RBFOX1: variants seen among roughly 807,000 people sequenced by gnomAD.
RBFOX1 encodes the protein RNA binding fox-1 homolog 1.
RBFOX1 carries 8 observed loss-of-function variants against 57.7 expected under a neutral mutation model. The observed-to-expected ratio is 0.14, with a 90% CI of 0.08 to 0.25. The LOEUF (loss-of-function observed/expected upper bound fraction) is 0.25, where lower values mean the gene tolerates loss of function less well. Ranked by LOEUF, RBFOX1 falls within the 10% of genes least tolerant of loss-of-function variation. The probability of loss-of-function intolerance (pLI) is 1.00; values close to 1 mark genes in which losing one functional copy is unlikely to be tolerated. For missense variants in RBFOX1, 611 were observed against 548.5 expected, an observed-to-expected ratio of 1.11 and a Z score of -1.14; for synonymous variants, 326 against 222.4, an observed-to-expected ratio of 1.47 and a Z score of -4.15.
chr16:5,260,268 A>G (rs1222373209), intron 1 of RBFOX1, among the ~76,000 whole-genome samples: 1 of 152,158 alleles, frequency 6.6e-6, no homozygotes, highest in Non-Finnish European at 1.5e-5. Context: ...AAATTAATGA[A>G]TACAGAAAAG....
At chr16:6,175,559 G>T (rs1044364205) in intron 1 of RBFOX1, among the ~76,000 whole-genome samples, 2 of 152,160 alleles carry the variant, frequency 1.3e-5, no homozygotes, top group African/African-American at 4.8e-5. Context: ...TTGCGCTTTT[G>T]TTGTGCATAG....
rs193248107 is a variant in RBFOX1 at position 5,815,798 on chromosome 16, A to G, written c.319-51505A>G. ...ATTATCCCTTCTCAGGAAACAGTGG[A>G]GCCCAGAGAAATTGATGCTGCAGAG... On this transcript the variant is annotated intron_variant, in intron 3 of 19. Coordinates refer to the RBFOX1 transcript ENST00000641259. 2.4e-3 allele frequency among the ~76,000 whole-genome samples: 360 copies of G among 152,328 alleles called. 2 individuals carry two copies. Among genetic ancestry groups the G allele is most frequent in the African/African-American group, 8.1e-3 (335 of 41,574 alleles).
At chr16:5,885,699 G>C (rs937401606) in intron 4 of RBFOX1, among the ~76,000 whole-genome samples, 6 of 152,178 alleles carry the variant, frequency 3.9e-5, no homozygotes, top group African/African-American at 1.4e-4. Context: ...CCAAAATAAA[G>C]AAATACGTTC....
intron 3 of RBFOX1, among the ~76,000 whole-genome samples, chr16:6,900,354 G>A (rs960359386): frequency 1.3e-5 from 2 of 152,126 alleles, no homozygotes; most frequent in African/African-American, 4.8e-5. Flanking sequence ...AAATCCTTTA[G>A]GGATCCTTCT....
At chr16:5,596,125 G>T (rs1156259319) in intron 2 of RBFOX1, among the ~76,000 whole-genome samples, 1 of 152,122 alleles carries the variant, frequency 6.6e-6, no homozygotes, top group Non-Finnish European at 1.5e-5. Flanking sequence ...TAGGGGGAAG[G>T]GGCTGGAAAG....
chr16:5,275,994 A>T (rs991790392), intron 1 of RBFOX1, among the ~76,000 whole-genome samples: 2 of 152,224 alleles, frequency 1.3e-5, no homozygotes, highest in Non-Finnish European at 2.9e-5. Flanking sequence ...GTAAAAGAAT[A>T]AAACTGGATC....
At chr16:5,445,851 G>C (rs1050698034) in intron 1 of RBFOX1, among the ~76,000 whole-genome samples, 1 of 152,164 alleles carries the variant, frequency 6.6e-6, no homozygotes, top group Non-Finnish European at 1.5e-5. Context: ...AAGTTCTGTC[G>C]TCTGCAAAAT....
chr16:6,891,823 G>C (rs550540608), intron 3 of RBFOX1, among the ~76,000 whole-genome samples: 1 of 152,176 alleles, frequency 6.6e-6, no homozygotes, highest in South Asian at 2.1e-4. Context: ...GCCTAATGTA[G>C]GGTTGGCATA....
At chr16:6,945,257 C>G (rs2079271145) in intron 3 of RBFOX1, among the ~76,000 whole-genome samples, 2 of 152,110 alleles carry the variant, frequency 1.3e-5, no homozygotes, top group Admixed American at 6.5e-5. Flanking sequence ...TTGGGCAAGT[C>G]ATGTGACCTC....
intron 4 of RBFOX1, among the ~76,000 whole-genome samples, chr16:7,052,955 A>G (rs540655714): frequency 1.3e-5 from 2 of 152,232 alleles, no homozygotes; most frequent in South Asian, 2.1e-4. Context: ...TAAAAATCAG[A>G]GAAATATGCT....
chr16:6,253,078 C>G (rs1330214513), intron 1 of RBFOX1, among the ~76,000 whole-genome samples: 1 of 152,252 alleles, frequency 6.6e-6, no homozygotes, highest in East Asian at 1.9e-4. Context: ...GCCATCTCTC[C>G]TTCTTGATCT....
intron 3 of RBFOX1, among the ~76,000 whole-genome samples, chr16:5,720,280 T>C (rs2051880353): frequency 6.6e-6 from 1 of 152,186 alleles, no homozygotes; most frequent in Non-Finnish European, 1.5e-5. Flanking sequence ...ATTTATATTT[T>C]GATATTGAGT....
intron 4 of RBFOX1, among the ~76,000 whole-genome samples, chr16:7,432,050 G>A (rs2098686303): frequency 6.6e-6 from 1 of 152,194 alleles, no homozygotes; most frequent in Non-Finnish European, 1.5e-5. Context: ...CAGCCCAGTG[G>A]GAAGGAGGGT....
intron 4 of RBFOX1, among the ~76,000 whole-genome samples, chr16:7,213,566 A>T (rs539114294): frequency 6.6e-6 from 1 of 152,202 alleles, no homozygotes; most frequent in South Asian, 2.1e-4. Context: ...CCAAAAAAAA[A>T]AACACAAACA....
chr16:5,597,589 G>A (rs899624014), intron 2 of RBFOX1, among the ~76,000 whole-genome samples: 5 of 151,802 alleles, frequency 3.3e-5, no homozygotes, highest in African/African-American at 7.3e-5. Context: ...TAGTAGAGAC[G>A]GTGTTTCACC....
chr16:6,960,553 T>C (rs1046112763), intron 3 of RBFOX1, among the ~76,000 whole-genome samples: 2 of 152,086 alleles, frequency 1.3e-5, no homozygotes, highest in African/African-American at 4.8e-5. Context: ...CTCTTTCTTG[T>C]ATCTGTTCCC....
intron 6 of RBFOX1, among the ~76,000 whole-genome samples, chr16:7,586,559 A>G (rs1359581516): frequency 6.6e-6 from 1 of 152,244 alleles, no homozygotes; most frequent in Non-Finnish European, 1.5e-5. Flanking sequence ...ATTTAAATTT[A>G]ACCAAGTGTC....
chr16:6,796,128 G>A (rs1319987318), intron 3 of RBFOX1, among the ~76,000 whole-genome samples: 3 of 151,366 alleles, frequency 2.0e-5, no homozygotes, highest in African/African-American at 7.4e-5. Flanking sequence ...CATGGCGGAA[G>A]GTGAAAGGTA....
At chr16:7,463,836 C>G (rs1276179594) in intron 4 of RBFOX1, among the ~76,000 whole-genome samples, 1 of 152,210 alleles carries the variant, frequency 6.6e-6, no homozygotes, top group Non-Finnish European at 1.5e-5. Flanking sequence ...ATACCAGCCA[C>G]TGAGATAGAT....
Sources: allele counts gnomAD v4.1 joint callset (sites outside exome capture counted in the v4.1 genomes callset), GRCh38; gene constraint gnomAD v4.1.1; transcripts MANE v1.5; gene names NCBI Gene and HGNC (gene_info 2026-07-23, HGNC 2026-07-21).